Variants in TRIP11 observed in about 807,000 individuals in gnomAD.
TRIP11 encodes thyroid hormone receptor interactor 11.
In TRIP11, 148 loss-of-function variants were observed where a neutral mutation model predicts 223.1. The ratio of observed to expected loss-of-function variants is 0.66; its 90% confidence interval spans 0.58 to 0.76. The LOEUF (loss-of-function observed/expected upper bound fraction) is 0.76. TRIP11 is among the 30% of genes least tolerant of loss of function. The pLI is 0.00. For synonymous variants in TRIP11, 762 were observed against 772.6 expected (o/e 0.99, Z 0.23); for missense variants, 2,043 against 2,222.0 (o/e 0.92, Z 1.62).
At position 92,004,563 on chromosome 14, in the gene TRIP11, T is replaced by C. The variant is rs749388466; in HGVS notation, c.3413A>G (p.Asp1138Gly). ...TCTAGTGGACAATTTTTTATTTTCA[T>C]CTTGCAGTTTGATAAGAGCTGCTTC... Reference protein sequence around the residue: ...AKEAALIKLQDENKKLSTRFE... With the variant: ...AKEAALIKLQGENKKLSTRFE... Residue 1138 changes from aspartate (D) to glycine (G), a missense_variant, in exon 11 of 21, where the codon GAT (aspartate) becomes GGT (glycine). Asp to Gly is a moderately conservative substitution (Grantham distance 94). Transcript: ENST00000267622. The C allele has an allele frequency of 2.9e-5, 47 of 1,613,718 alleles. No homozygotes were observed. In the Admixed American group the frequency reaches 4.3e-4, roughly 15 times the overall value.
In TRIP11 at chr14:91,968,923, C is replaced by T; in HGVS notation, c.*750G>A. The T allele has an allele frequency of 4.3e-6, 1 of 231,810 alleles. No individual in the cohort carries two copies. Among genetic ancestry groups the T allele is most frequent in the Non-Finnish European group, 8.6e-6 (1 of 116,838 alleles). The allele number at this position is 231,810 out of a possible 1,614,324, so 14.4% of individuals were successfully genotyped here. A position where few individuals can be genotyped will look rare whatever the true frequency, so the allele number is the denominator to read the frequency against. On this transcript the variant is annotated 3_prime_UTR_variant, in exon 21 of 21. Transcript: ENST00000267622. The stretch of plus-strand genomic sequence containing the variant: ...GGGGGATGCTTGTAATGGAAGTCTT[C>T]CGTGTCTTGCCTGTGGTGGTAGTCA...
chr14:92,030,551 C>G (rs1294561633), intron 2 of TRIP11: 1 of 152,016 alleles, frequency 6.6e-6, no homozygotes, highest in Admixed American at 6.6e-5. Flanking sequence ...CCACGCCCAG[C>G]GAATTTTGTA....
chr14:91,981,890 G>A (rs1372992245), intron 16 of TRIP11, among the ~76,000 whole-genome samples: 1 of 151,900 alleles, frequency 6.6e-6, no homozygotes, highest in South Asian at 2.1e-4. Flanking sequence ...CAAGGCAGAA[G>A]GATCATTTGA....
rs189330326 is a variant in TRIP11 at position 91,969,898 on chromosome 14, A to C, written c.5720-5T>G. 1.4e-5 allele frequency: 22 copies of C among 1,612,572 alleles called. No homozygotes were observed. In the Admixed American group the frequency reaches 3.2e-4, roughly 23 times the overall value. On this transcript the variant is annotated splice_polypyrimidine_tract_variant and splice_region_variant and intron_variant, in intron 20 of 20. Coordinates refer to ENST00000267622, the MANE Select transcript of TRIP11 (RefSeq NM_004239.4). The stretch of plus-strand genomic sequence containing the variant: ...CAGACCTGGATTCTGCTGTATCTAA[A>C]GAATAAAATATGGATTTAGTCTCCT...
At chr14:92,003,203 T>C (rs371505317) in intron 11 of TRIP11, among the ~76,000 whole-genome samples, 10 of 152,278 alleles carry the variant, frequency 6.6e-5, no homozygotes, top group Admixed American at 5.2e-4. Context: ...AAAAAATTAA[T>C]TTACTACCAA....
chr14:91,988,633 T>TAAAAAA (rs749287959), intron 15 of TRIP11, among the ~76,000 whole-genome samples: 2 of 99,518 alleles, frequency 2.0e-5, no homozygotes, highest in African/African-American at 7.5e-5. Context: ...ATGACAGAAG[T>TAAAAAA]AAAAAAAAAA....
In TRIP11 at chr14:92,000,115, G is replaced by A. The variant is rs768799190; in HGVS notation, c.4558-7C>T. The A allele has an allele frequency of 1.9e-6, 3 of 1,613,270 alleles. 1 individual carries two copies. The highest frequency in any genetic ancestry group is 2.2e-5 in the South Asian group (2 of 91,048). Reference sequence around the variant, plus strand: ...TTAACTCTCCAGTCTTGCCCTTTTGGAAAGAAAAAATTTTAGCTTTAAAAA... The same window carrying A: ...TTAACTCTCCAGTCTTGCCCTTTTGAAAAGAAAAAATTTTAGCTTTAAAAA... On this transcript the variant is annotated splice_polypyrimidine_tract_variant and splice_region_variant and intron_variant, in intron 11 of 20. Coordinates refer to ENST00000267622, the MANE Select transcript of TRIP11 (RefSeq NM_004239.4).
chr14:92,039,413 G>A (rs1008649598), intron 1 of TRIP11, 134 bp downstream of exon 1: 27 of 885,730 alleles, frequency 3.0e-5, no homozygotes, highest in Non-Finnish European at 4.6e-5. Context: ...GGCAAGAGGA[G>A]GTGTGTGAAG....
At chr14:91,987,030 T>C (rs2056612260) in intron 16 of TRIP11, among the ~76,000 whole-genome samples, 1 of 152,224 alleles carries the variant, frequency 6.6e-6, no homozygotes, top group East Asian at 1.9e-4. Context: ...AAATCTTGCC[T>C]CTTTAATCTA....
intron 15 of TRIP11, among the ~76,000 whole-genome samples, chr14:91,991,367 T>C (rs1016102553): frequency 6.6e-6 from 1 of 152,162 alleles, no homozygotes; most frequent in Non-Finnish European, 1.5e-5. Flanking sequence ...CTGTTCATTA[T>C]AAATAAACCA....
chr14:91,987,680 G>A (rs938272558), intron 16 of TRIP11, among the ~76,000 whole-genome samples: 1 of 152,104 alleles, frequency 6.6e-6, no homozygotes, highest in African/African-American at 2.4e-5. Flanking sequence ...GATGAAATGA[G>A]GATATGCCAT....
At chr14:92,012,209 C>G (rs1479510058) in intron 7 of TRIP11, among the ~76,000 whole-genome samples, 2 of 152,042 alleles carry the variant, frequency 1.3e-5, no homozygotes, top group African/African-American at 4.8e-5. Flanking sequence ...CACCACAATA[C>G]CATAATCTCT....
intron 7 of TRIP11, among the ~76,000 whole-genome samples, chr14:92,013,872 T>C (rs1264324077): frequency 6.6e-6 from 1 of 152,224 alleles, no homozygotes; most frequent in African/African-American, 2.4e-5. Context: ...GGAAGACCTA[T>C]GGCTCTAAGC....
At chr14:91,972,600 A>G in intron 20 of TRIP11, 117 bp downstream of exon 20, 1 of 1,037,426 alleles carries the variant, frequency 9.6e-7, no homozygotes, top group Non-Finnish European at 1.4e-6. Context: ...GAATTCTGGA[A>G]GTCCTGATTA....
chr14:91,991,497 TCA>T (rs1223410280), intron 15 of TRIP11, among the ~76,000 whole-genome samples: 1 of 152,150 alleles, frequency 6.6e-6, no homozygotes, highest in African/African-American at 2.4e-5. Flanking sequence ...GAACAAGAAG[TCA>T]TGTGCCTGCT....
Position 92,025,508 on chromosome 14 carries a change from T to TCC in TRIP11, c.202-89_202-88insGG, listed in dbSNP as rs577391295. 3.8e-3 allele frequency: 3,131 copies of TCC among 831,294 alleles called. 10 individuals are homozygous for TCC. The highest frequency in any genetic ancestry group is 0.021 in the African/African-American group (1,155 of 54,906). The allele number at this position is 831,294 out of a possible 1,614,324, so 51.5% of individuals were successfully genotyped here. ...ACAGCATTATGAAAAACGTACTGCT[T>TCC]TCCCCCCCCAAAAATGTCAAATATA... On this transcript the variant is annotated intron_variant, in intron 2 of 20. Transcript: ENST00000267622.
In TRIP11 at chr14:92,005,848, T is replaced by C. The variant is rs757637691; in HGVS notation, c.2128A>G (p.Ile710Val). 6 of 1,614,068 alleles carry C rather than the reference T, an allele frequency of 3.7e-6. No individual in the cohort carries two copies. The highest frequency in any genetic ancestry group is 1.3e-5 in the African/African-American group (1 of 75,048). Residue 710 changes from isoleucine (I) to valine (V), a missense_variant, in exon 11 of 21, where the codon ATT (isoleucine) becomes GTT (valine). Transcript: ENST00000267622. ...TTTTCCATTTTTAGAGTCTCCACAA[T>C]AGTGTTTTTTTCCAGAGAAAGCTGA... is the stretch of plus-strand genomic sequence containing the variant. ...NNQLSLEKNT[I>V]VETLKMEKGE...
At chr14:91,992,844 G>A (rs987994817) in intron 15 of TRIP11, among the ~76,000 whole-genome samples, 1 of 136,198 alleles carries the variant, frequency 7.3e-6, no homozygotes, top group Non-Finnish European at 1.6e-5. Context: ...AGGAGGGGGA[G>A]TTTGCAGTGA....
intron 16 of TRIP11, among the ~76,000 whole-genome samples, chr14:91,986,569 T>C (rs1566848552): frequency 6.6e-6 from 1 of 152,220 alleles, no homozygotes; most frequent in Non-Finnish European, 1.5e-5. Flanking sequence ...AATTTTAAAT[T>C]TACCATCAAC....
Sources: gnomAD v4.1 joint callset for allele counts (sites outside exome capture counted in the v4.1 genomes callset) on GRCh38, gnomAD v4.1.1 for gene constraint, MANE v1.5 for transcripts, NCBI Gene and HGNC (gene_info 2026-07-23, HGNC 2026-07-21) for gene names.